DIP2C: variants seen among roughly 807,000 people sequenced by gnomAD.
DIP2C encodes the protein DIP2 acetate--CoA ligase C (putative).
DIP2C carries 33 observed loss-of-function variants against 192.4 expected under a neutral mutation model. The ratio of observed to expected loss-of-function variants is 0.17; its 90% CI spans 0.13 to 0.23. The LOEUF (loss-of-function observed/expected upper bound fraction) is 0.23, where lower values mean the gene tolerates loss of function less well. DIP2C is among the 10% of genes least tolerant of loss of function. The probability of loss-of-function intolerance (pLI) is 1.00; values close to 1 mark genes in which losing one functional copy is unlikely to be tolerated. For synonymous variants in DIP2C, 979 were observed against 864.1 expected (o/e 1.13, Z -2.33); for missense variants, 1,537 against 2,110.1 (o/e 0.73, Z 5.32).
chr10:545,735 T>C (rs1454864972), intron 1 of DIP2C, among the ~76,000 whole-genome samples: 1 of 152,176 alleles, frequency 6.6e-6, no homozygotes, highest in Non-Finnish European at 1.5e-5. Flanking sequence ...ACTGGATCCA[T>C]TTTGAGCTAT....
intron 1 of DIP2C, among the ~76,000 whole-genome samples, chr10:534,236 G>A (rs887577619): frequency 3.3e-5 from 5 of 152,184 alleles, no homozygotes; most frequent in Non-Finnish European, 5.9e-5. Flanking sequence ...AATCACCCCG[G>A]GGACGTGCGA....
intron 1 of DIP2C, among the ~76,000 whole-genome samples, chr10:620,212 C>CT (rs1391155797): frequency 6.6e-6 from 1 of 152,150 alleles, no homozygotes; most frequent in Non-Finnish European, 1.5e-5. Context: ...ATTTTTATGG[C>CT]TTTTTTCTGC....
chr10:494,127 C>T (rs1234377448), intron 1 of DIP2C, among the ~76,000 whole-genome samples: 1 of 152,212 alleles, frequency 6.6e-6, no homozygotes, highest in South Asian at 2.1e-4. Flanking sequence ...TGGTCATGAA[C>T]ACACACTATG....
intron 31 of DIP2C, among the ~76,000 whole-genome samples, chr10:312,144 G>A (rs1389278012): frequency 6.6e-6 from 1 of 152,196 alleles, no homozygotes; most frequent in Non-Finnish European, 1.5e-5. Flanking sequence ...GCAGCCTCAG[G>A]AGGAGTTTCC....
intron 18 of DIP2C, among the ~76,000 whole-genome samples, chr10:367,233 T>A (rs190739157): frequency 2.0e-4 from 30 of 152,062 alleles, no homozygotes; most frequent in South Asian, 4.2e-4. Flanking sequence ...CTGGCTAACA[T>A]GGTGAAACCC....
chr10:669,052 T>C (rs1186695477), intron 1 of DIP2C: 2 of 151,312 alleles, frequency 1.3e-5, no homozygotes, highest in Non-Finnish European at 2.9e-5. Flanking sequence ...TGGAACGGGG[T>C]TGGTGACGGT....
chr10:286,436 T>C, intron 33 of DIP2C, 89 bp from the exon 34 acceptor site: 1 of 1,221,126 alleles, frequency 8.2e-7, no homozygotes, highest in Non-Finnish European at 1.2e-6. Context: ...CTTTATGCCA[T>C]TTCCTTTCAA....
rs867000708 is a variant in DIP2C, at chr10:399,275, C to T, written c.1150-56G>A. The T allele has an allele frequency of 5.8e-5, 84 of 1,444,836 alleles. No individual in the cohort carries two copies. The African/African-American group carries it at 6.3e-4, about 11-fold the overall frequency. 89.5% of individuals were successfully genotyped at this position (1,444,836 alleles called of 1,614,324 possible). A position where few individuals can be genotyped will look rare whatever the true frequency, so the allele number is the denominator to read the frequency against. On this transcript the variant is annotated intron_variant, in intron 9 of 36. Transcript: ENST00000280886. ...AACGTGGGGTCCTGGCTTCCTAAGA[C>T]GCCACGGAAGAGCTTGGTTCTAGGT...
At chr10:502,136 T>C (rs77028051) in intron 1 of DIP2C, among the ~76,000 whole-genome samples, 9 of 152,192 alleles carry the variant, frequency 5.9e-5, no homozygotes, top group Non-Finnish European at 5.9e-5. Context: ...ATAGTGACCC[T>C]GTCTCAAAAA....
intron 1 of DIP2C, among the ~76,000 whole-genome samples, chr10:559,802 G>T (rs1165637296): frequency 6.6e-6 from 1 of 152,204 alleles, no homozygotes; most frequent in Admixed American, 6.5e-5. Flanking sequence ...GGCCTGGCAG[G>T]AGGCCACTGC....
At chr10:456,410 T>C (rs12761700) in intron 3 of DIP2C, among the ~76,000 whole-genome samples, 281 of 94,046 alleles carry the variant, frequency 3.0e-3, no homozygotes, top group African/African-American at 0.01. Flanking sequence ...GAGGGGAGGC[T>C]GTGAGGAGTA....
At chr10:610,315 A>G (rs1211722163) in intron 1 of DIP2C, among the ~76,000 whole-genome samples, 2 of 152,212 alleles carry the variant, frequency 1.3e-5, no homozygotes, top group African/African-American at 4.8e-5. Flanking sequence ...CATAAGCAGC[A>G]TGGGGAGAGG....
intron 1 of DIP2C, among the ~76,000 whole-genome samples, chr10:649,684 C>T (rs530273628): frequency 5.3e-5 from 8 of 152,284 alleles, no homozygotes; most frequent in Non-Finnish European, 1.2e-4. Flanking sequence ...TTCAAATTCT[C>T]GATGAATAAT....
intron 29 of DIP2C, among the ~76,000 whole-genome samples, chr10:338,912 C>T (rs918934507): frequency 1.3e-5 from 2 of 149,052 alleles, no homozygotes; most frequent in East Asian, 2.0e-4. Context: ...CCACAGCCCA[C>T]GCCACCTGCA....
chr10:313,044 T>G (rs767180074), intron 31 of DIP2C, among the ~76,000 whole-genome samples: 1 of 152,178 alleles, frequency 6.6e-6, no homozygotes, highest in Non-Finnish European at 1.5e-5. Flanking sequence ...TAAGCATTAA[T>G]AGAGAAGAAT....
At chr10:423,663 T>C (rs771174256) in intron 4 of DIP2C, among the ~76,000 whole-genome samples, 2 of 152,192 alleles carry the variant, frequency 1.3e-5, no homozygotes, top group Non-Finnish European at 2.9e-5. Context: ...TAGATACCGA[T>C]GCACCTGATT....
At chr10:357,275 T>G (rs1423317419) in intron 23 of DIP2C, among the ~76,000 whole-genome samples, 1 of 152,218 alleles carries the variant, frequency 6.6e-6, no homozygotes, top group African/African-American at 2.4e-5. Context: ...TCCCACGGCT[T>G]CTAACGCCAC....
At chr10:444,413 G>A (rs921011757) in intron 3 of DIP2C, among the ~76,000 whole-genome samples, 3 of 148,998 alleles carry the variant, frequency 2.0e-5, no homozygotes, top group East Asian at 2.0e-4. Flanking sequence ...GTTCCTTGGC[G>A]CTCTTCCATC....
At chr10:540,437 G>A (rs981817265) in intron 1 of DIP2C, among the ~76,000 whole-genome samples, 1 of 152,196 alleles carries the variant, frequency 6.6e-6, no homozygotes, top group African/African-American at 2.4e-5. Context: ...TTTACACTGG[G>A]AACCAGAGAG....
Sources: allele counts gnomAD v4.1 joint callset (sites outside exome capture counted in the v4.1 genomes callset), GRCh38; gene constraint gnomAD v4.1.1; transcripts MANE v1.5; gene names NCBI Gene and HGNC (gene_info 2026-07-23, HGNC 2026-07-21).